The following NCOR2 variants were observed in gnomAD, a reference collection of about 807,000 sequenced individuals.
NCOR2 encodes the protein CTG repeat protein 26.
NCOR2 carries 81 observed loss-of-function variants against 262.9 expected under a neutral mutation model. The observed-to-expected ratio is 0.31, with a 90% CI of 0.26 to 0.37. The LOEUF (loss-of-function observed/expected upper bound fraction) is 0.37. Among genes scored for constraint, NCOR2 ranks in the 10% least tolerant of loss-of-function variants. The probability of loss-of-function intolerance (pLI) is 1.00; values close to 1 mark genes in which losing one functional copy is unlikely to be tolerated. For synonymous variants in NCOR2, 1,659 were observed against 1,559.3 expected (o/e 1.06, Z -1.51); for missense variants, 3,385 against 3,621.4 (o/e 0.93, Z 1.68).
At chr12:124,423,686 C>T (rs1242998403) in intron 11 of NCOR2, among the ~76,000 whole-genome samples, 1 of 152,230 alleles carries the variant, frequency 6.6e-6, no homozygotes, top group Non-Finnish European at 1.5e-5. Context: ...ACCCCTCCCA[C>T]GGGGTTTCCC....
At chr12:124,328,935 A>G in intron 44 of NCOR2, 1 of 316,282 alleles carries the variant, frequency 3.2e-6, no homozygotes, top group Non-Finnish European at 6.3e-6. Flanking sequence ...TTTCTGCAGC[A>G]CTTTTGAAAA....
chr12:124,422,209 C>T (rs2043245763), intron 12 of NCOR2, among the ~76,000 whole-genome samples: 1 of 152,246 alleles, frequency 6.6e-6, no homozygotes, highest in Non-Finnish European at 1.5e-5. Context: ...GTCGGGCACA[C>T]GGGGCTCCAG....
intron 1 of NCOR2, among the ~76,000 whole-genome samples, chr12:124,519,929 A>G (rs1250421782): frequency 1.3e-5 from 2 of 152,194 alleles, no homozygotes; most frequent in Non-Finnish European, 2.9e-5. Context: ...TGGGACTTGA[A>G]CTGGGCAAGC....
At chr12:124,502,279 T>TGG (rs1387994041) in intron 1 of NCOR2, among the ~76,000 whole-genome samples, 4 of 152,240 alleles carry the variant, frequency 2.6e-5, no homozygotes, top group Admixed American at 6.5e-5. Context: ...CCACGATTTG[T>TGG]TAAGCACCTA....
chr12:124,511,915 T>C (rs2049415269), intron 1 of NCOR2, among the ~76,000 whole-genome samples: 2 of 152,104 alleles, frequency 1.3e-5, no homozygotes, highest in Non-Finnish European at 2.9e-5. Context: ...ACAACAGTGA[T>C]TTATTTTTAT....
rs923884592 is a variant in NCOR2 at position 124,378,800 on chromosome 12, G to T, written c.2020-416C>A. On this transcript the variant is annotated intron_variant, in intron 17 of 46. Transcript: ENST00000405201. This position sits in a 1 kb window ranked among gnomAD's most constrained non-coding sequence, Gnocchi z 4.2. ...ATGCAAGTCTCACCTGTCCCTGGGG[G>T]AACAGGCCAGCCTGGGAAGCTCGCG... Among the ~76,000 whole-genome samples, 3 of 152,208 alleles carry T rather than the reference G, an allele frequency of 2.0e-5. No homozygotes were observed. Among genetic ancestry groups the T allele is most frequent in the African/African-American group, 7.2e-5 (3 of 41,450 alleles).
At chr12:124,429,766 C>T in intron 9 of NCOR2, 60 bp from the exon 12 acceptor site, 1 of 1,475,820 alleles carries the variant, frequency 6.8e-7, no homozygotes. Flanking sequence ...CACTAGCAGA[C>T]CCCTGTGGCG....
At chr12:124,412,166 C>T (rs1462907682) in intron 13 of NCOR2, among the ~76,000 whole-genome samples, 2 of 152,274 alleles carry the variant, frequency 1.3e-5, no homozygotes, top group Non-Finnish European at 1.5e-5. Flanking sequence ...AGTCCAGAGA[C>T]GTCCCATGGC....
intron 1 of NCOR2, among the ~76,000 whole-genome samples, chr12:124,527,987 T>A (rs1434846278): frequency 6.6e-6 from 1 of 152,248 alleles, no homozygotes; most frequent in Non-Finnish European, 1.5e-5. Context: ...ATGTTTGTCA[T>A]CTACCCTTCA....
In NCOR2 at chr12:124,457,140, C is replaced by T. The variant is rs754316117; in HGVS notation, c.728G>A (p.Arg243Gln). ...CTGGGGCCCCAGGCCTTCCAGAATC[C>T]GATGTGCAGCTTCAGCCTTCTTCTG... The change falls in exon 6 of 47, where the codon CGG (arginine) becomes CAG (glutamine). Residue 243 changes from arginine (R) to glutamine (Q), a missense_variant. By Grantham distance (43) the Arg-to-Gln change is conservative. Coordinates refer to ENST00000405201, the Ensembl canonical transcript of NCOR2. This position sits in a 1 kb window ranked among gnomAD's most constrained non-coding sequence, Gnocchi z 4.0. 5.5e-5 allele frequency: 84 copies of T among 1,529,342 alleles called. No individual in the cohort carries two copies. Among genetic ancestry groups the T allele is most frequent in the Non-Finnish European group, 6.8e-5 (78 of 1,149,698 alleles). The allele number at this position is 1,529,342 out of a possible 1,614,324, so 94.7% of individuals were successfully genotyped here.
chr12:124,535,491 ACCCACTTCCCGTGAGAAAGTCCAGG>A (rs1341917037), intron 1 of NCOR2, 49 bp downstream of exon 2: 1 of 152,212 alleles, frequency 6.6e-6, no homozygotes. Context: ...GTAATTCCAG[ACCCACTTCCCGTGAGAAAGTCCAGG>A]CAGGATGAAC....
intron 6 of NCOR2, among the ~76,000 whole-genome samples, chr12:124,450,117 G>A (rs931619195): frequency 1.3e-5 from 2 of 152,194 alleles, no homozygotes; most frequent in Non-Finnish European, 2.9e-5. Context: ...GCTGCTCTGC[G>A]GGGCATTCAG....
chr12:124,546,843 G>T (rs991299121), intron 1 of NCOR2, among the ~76,000 whole-genome samples: 1 of 152,166 alleles, frequency 6.6e-6, no homozygotes, highest in Non-Finnish European at 1.5e-5. Context: ...GGTCCTGCCT[G>T]TGAGTGTCCA....
chr12:124,429,573 G>A, intron 10 of NCOR2, 40 bp downstream of exon 12: 2 of 1,556,450 alleles, frequency 1.3e-6, no homozygotes, highest in South Asian at 1.2e-5. Context: ...GGGGATGCCA[G>A]GGAAAAGGAG....
At chr12:124,402,611 G>A (rs781479628) in intron 13 of NCOR2, 50 bp from the exon 16 acceptor site, 50 of 1,542,566 alleles carry the variant, frequency 3.2e-5, no homozygotes, top group East Asian at 9.8e-5. Context: ...GAAGAAAACC[G>A]TGAACAGGTG....
At chr12:124,512,657 T>C (rs961399566) in intron 1 of NCOR2, among the ~76,000 whole-genome samples, 2 of 152,106 alleles carry the variant, frequency 1.3e-5, no homozygotes, top group Admixed American at 6.5e-5. Context: ...ACTCCCTGCC[T>C]AGCTCTGAGC....
chr12:124,420,053 T>C (rs2136293532), exon 13 of NCOR2: 4 of 1,611,964 alleles, frequency 2.5e-6, no homozygotes, highest in Middle Eastern at 1.7e-4. Flanking sequence ...ACTCAGCCAC[T>C]GTCTGTGGGA....
chr12:124,375,713 G>A (rs1593273756), intron 18 of NCOR2, among the ~76,000 whole-genome samples: 1 of 152,186 alleles, frequency 6.6e-6, no homozygotes, highest in South Asian at 2.1e-4. Flanking sequence ...GGATAACCCC[G>A]CTATGCCTCA....
At chr12:124,544,136 G>A (rs1292386626) in intron 1 of NCOR2, among the ~76,000 whole-genome samples, 1 of 152,196 alleles carries the variant, frequency 6.6e-6, no homozygotes, top group Non-Finnish European at 1.5e-5. Context: ...TGGAAAGGGT[G>A]CACTGGAGAC....
Sources: allele counts gnomAD v4.1 joint callset (sites outside exome capture counted in the v4.1 genomes callset), GRCh38; gene constraint gnomAD v4.1.1; non-coding constraint Gnocchi (gnomAD v3.1); transcripts MANE v1.5; gene names NCBI Gene and HGNC (gene_info 2026-07-23, HGNC 2026-07-21).